The following DLGAP1 variants were observed in gnomAD, a reference collection of about 807,000 sequenced individuals.
DLGAP1 encodes the protein disks large-associated protein 1.
A neutral mutation model predicts 90.8 loss-of-function variants in DLGAP1; 11 were observed. That is an observed-to-expected ratio of 0.12 (90% CI 0.08 to 0.20). The LOEUF is 0.20. DLGAP1 is among the 10% of genes least tolerant of loss of function. DLGAP1 has a pLI of 1.00. For missense variants in DLGAP1, 1,050 were observed against 1,333.8 expected (o/e 0.79, Z 3.31); for synonymous variants, 558 against 540.7 (o/e 1.03, Z -0.44).
Position 4,277,717 on chromosome 18 carries a change from C to T in DLGAP1, c.-266-126430G>A, listed in dbSNP as rs77765495. Among the ~76,000 whole-genome samples, 29 of 152,216 alleles carry T rather than the reference C, an allele frequency of 1.9e-4. No individual in the cohort carries two copies. In the East Asian group the frequency reaches 5.0e-3, roughly 26 times the overall value. On this transcript the variant is annotated intron_variant, in intron 1 of 12. Transcript: ENST00000315677. ...GATTGTTATCCCACATTACTGCAGC[C>T]GAGACAGTTTCCAGAGATACTACTG... is the stretch of plus-strand genomic sequence containing the variant.
At chr18:4,394,182 G>A (rs1358746210) in intron 1 of DLGAP1, among the ~76,000 whole-genome samples, 1 of 152,176 alleles carries the variant, frequency 6.6e-6, no homozygotes, top group East Asian at 1.9e-4. Context: ...AGTAAAAGAA[G>A]AAAGCCACCG....
intron 4 of DLGAP1, among the ~76,000 whole-genome samples, chr18:3,819,166 C>T (rs964543350): frequency 6.6e-6 from 1 of 151,904 alleles, no homozygotes; most frequent in African/African-American, 2.4e-5. Context: ...AAAAATTAGC[C>T]AGGCGTGATG....
At chr18:3,610,016 C>T (rs2057526939) in intron 7 of DLGAP1, among the ~76,000 whole-genome samples, 1 of 151,596 alleles carries the variant, frequency 6.6e-6, no homozygotes, top group South Asian at 2.1e-4. Flanking sequence ...CGAGATCACG[C>T]CATTGTTCTC....
intron 5 of DLGAP1, among the ~76,000 whole-genome samples, chr18:3,795,478 G>A (rs771489872): frequency 6.6e-6 from 1 of 151,992 alleles, no homozygotes; most frequent in Non-Finnish European, 1.5e-5. Flanking sequence ...ACCACGCCCA[G>A]CTAATTTTTG....
intron 5 of DLGAP1, among the ~76,000 whole-genome samples, chr18:3,800,113 G>C (rs1598799954): frequency 6.6e-6 from 1 of 152,306 alleles, no homozygotes; most frequent in East Asian, 1.9e-4. Flanking sequence ...AATTGGAACA[G>C]CAGGTTTTAT....
At chr18:3,754,153 A>G (rs2147840108) in intron 5 of DLGAP1, among the ~76,000 whole-genome samples, 1 of 152,198 alleles carries the variant, frequency 6.6e-6, no homozygotes, top group Admixed American at 6.5e-5. Flanking sequence ...GGCACATGCC[A>G]CCATACCCTG....
At chr18:4,269,055 C>G (rs866402553) in intron 1 of DLGAP1, among the ~76,000 whole-genome samples, 1 of 151,936 alleles carries the variant, frequency 6.6e-6, no homozygotes, top group East Asian at 1.9e-4. Flanking sequence ...TAAAAATTGG[C>G]AAATCAGAGT....
chr18:3,648,281 C>T (rs1282299291), intron 7 of DLGAP1, among the ~76,000 whole-genome samples: 1 of 152,170 alleles, frequency 6.6e-6, no homozygotes, highest in Non-Finnish European at 1.5e-5. Flanking sequence ...AAACCCATAA[C>T]GTATGCTCTT....
chr18:3,990,930 TA>T (rs1233304337), intron 3 of DLGAP1, among the ~76,000 whole-genome samples: 1 of 151,904 alleles, frequency 6.6e-6, no homozygotes, highest in Non-Finnish European at 1.5e-5. Flanking sequence ...GCAAAATGGT[TA>T]TTTTTTTTCT....
intron 7 of DLGAP1, among the ~76,000 whole-genome samples, chr18:3,640,447 G>A (rs754482191): frequency 1.3e-5 from 2 of 152,206 alleles, no homozygotes; most frequent in African/African-American, 4.8e-5. Flanking sequence ...GACAGACAGC[G>A]GGCGCTCTCA....
At chr18:3,817,330 T>A (rs578211017) in intron 4 of DLGAP1, among the ~76,000 whole-genome samples, 21 of 152,198 alleles carry the variant, frequency 1.4e-4, no homozygotes, top group Non-Finnish European at 2.8e-4. Flanking sequence ...AGTCTGTAAC[T>A]GTTGTTTAGG....
At chr18:4,306,613 A>G (rs2143377421) in intron 1 of DLGAP1, among the ~76,000 whole-genome samples, 1 of 152,156 alleles carries the variant, frequency 6.6e-6, no homozygotes, top group East Asian at 1.9e-4. Context: ...AATTAAATCT[A>G]ATTTTAGAAG....
intron 1 of DLGAP1, among the ~76,000 whole-genome samples, chr18:4,278,016 C>T (rs572740022): frequency 2.0e-5 from 3 of 151,628 alleles, no homozygotes; most frequent in Admixed American, 6.6e-5. Flanking sequence ...GACCATTGGA[C>T]GTGTTCAAAT....
rs116393298 is a variant in DLGAP1, at chr18:4,047,927, C to G, written c.-158-42726G>C. 4.7e-3 allele frequency among the ~76,000 whole-genome samples: 722 copies of G among 152,292 alleles called. 5 individuals carry two copies. Among genetic ancestry groups the G allele is most frequent in the African/African-American group, 0.016 (680 of 41,554 alleles). On this transcript the variant is annotated intron_variant, in intron 2 of 12. Coordinates refer to ENST00000315677, the MANE Select transcript of DLGAP1 (RefSeq NM_004746.4). ...CCTCCCACCTCAACCTCCCAAGTAG[C>G]TGGGGCCACAGGTGCATGCTACCAT...
intron 5 of DLGAP1, among the ~76,000 whole-genome samples, chr18:3,753,680 G>A (rs1322696203): frequency 1.3e-5 from 2 of 152,350 alleles, no homozygotes; most frequent in South Asian, 2.1e-4. Flanking sequence ...GCACAAGCAG[G>A]AAGTAAATAC....
intron 3 of DLGAP1, chr18:3,896,423 A>G (rs987972586): frequency 6.6e-6 from 1 of 152,242 alleles, no homozygotes; most frequent in Non-Finnish European, 1.5e-5. Context: ...TGAATATACA[A>G]AAAGGATAAT....
intron 3 of DLGAP1, among the ~76,000 whole-genome samples, chr18:3,946,525 T>G (rs537650868): frequency 6.6e-6 from 1 of 152,244 alleles, no homozygotes; most frequent in East Asian, 1.9e-4. Context: ...ATTATTTGTA[T>G]GCTTTATTAC....
chr18:4,334,351 T>G (rs1047214808), intron 1 of DLGAP1, among the ~76,000 whole-genome samples: 1 of 151,862 alleles, frequency 6.6e-6, no homozygotes, highest in East Asian at 1.9e-4. Flanking sequence ...TACTTTAGTG[T>G]CATTTGCATA....
intron 2 of DLGAP1, among the ~76,000 whole-genome samples, chr18:4,092,476 G>A (rs1340244081): frequency 1.3e-5 from 2 of 152,068 alleles, no homozygotes; most frequent in South Asian, 2.1e-4. Flanking sequence ...ATGGTTTCTC[G>A]TCCATCCCCT....
Sources: allele counts gnomAD v4.1 joint callset (sites outside exome capture counted in the v4.1 genomes callset), GRCh38; gene constraint gnomAD v4.1.1; transcripts MANE v1.5; gene names NCBI Gene and HGNC (gene_info 2026-07-23, HGNC 2026-07-21).